Variants in RPTOR observed in about 807,000 individuals in gnomAD.
RPTOR encodes the protein regulatory-associated protein of mTOR.
Under a neutral mutation model 169.9 loss-of-function variants are expected in RPTOR, and 21 were observed. The observed-to-expected ratio is 0.12, with a 90% CI of 0.09 to 0.18. RPTOR has a LOEUF of 0.18. Ranked by LOEUF, RPTOR falls within the 10% of genes least tolerant of loss-of-function variation. The probability of loss-of-function intolerance (pLI) is 1.00; values close to 1 mark genes in which losing one functional copy is unlikely to be tolerated. For synonymous variants in RPTOR, 732 were observed against 753.2 expected, an observed-to-expected ratio of 0.97 and a Z score of 0.46; for missense variants, 1,133 against 1,855.9, an observed-to-expected ratio of 0.61 and a Z score of 7.16.
intron 9 of RPTOR, among the ~76,000 whole-genome samples, chr17:80,828,867 A>G (rs2067473402): frequency 6.6e-6 from 1 of 152,244 alleles, no homozygotes; most frequent in Non-Finnish European, 1.5e-5. Context: ...AAATGTAAGC[A>G]GTCTTAAAAT....
At chr17:80,806,076 A>AT (rs2067215720) in intron 7 of RPTOR, among the ~76,000 whole-genome samples, 1 of 152,180 alleles carries the variant, frequency 6.6e-6, no homozygotes, top group South Asian at 2.1e-4. Context: ...CCGAGCAGAG[A>AT]TTTTTAAAAA....
chr17:80,630,893 C>T (rs2065436943), intron 2 of RPTOR, among the ~76,000 whole-genome samples: 1 of 152,110 alleles, frequency 6.6e-6, no homozygotes, highest in Non-Finnish European at 1.5e-5. Context: ...TACTCAGCGC[C>T]AGGCTGTGGA....
At chr17:80,882,756 A>G (rs1327980589) in intron 14 of RPTOR, among the ~76,000 whole-genome samples, 2 of 152,262 alleles carry the variant, frequency 1.3e-5, no homozygotes, top group Non-Finnish European at 2.9e-5. Flanking sequence ...GTAAAAATGA[A>G]GAATACTCAT....
intron 1 of RPTOR, among the ~76,000 whole-genome samples, chr17:80,625,336 G>C (rs2065384945): frequency 6.6e-6 from 1 of 152,134 alleles, no homozygotes; most frequent in Non-Finnish European, 1.5e-5. Flanking sequence ...GTGTAAATTT[G>C]TGTAATTTTT....
In RPTOR at chr17:80,708,416, C is replaced by T. The variant is rs577950753; in HGVS notation, c.507+417C>T. 4.5e-4 allele frequency among the ~76,000 whole-genome samples: 68 copies of T among 152,356 alleles called. No homozygotes were observed. Among genetic ancestry groups the T allele is most frequent in the African/African-American group, 1.6e-3 (67 of 41,584 alleles). On this transcript the variant is annotated intron_variant, in intron 4 of 33. Coordinates refer to ENST00000306801, the MANE Select transcript of RPTOR (RefSeq NM_020761.3). The surrounding 1 kb of genome is among the most constrained non-coding windows in gnomAD (Gnocchi z 4.2). ...ATTCTAAAGGGCTAATTCCAAGCTG[C>T]CCTGCAGGTGCAGGCTCTGGGCTTC...
intron 7 of RPTOR, among the ~76,000 whole-genome samples, chr17:80,811,724 C>T (rs972738244): frequency 6.7e-6 from 1 of 149,920 alleles, no homozygotes; most frequent in Admixed American, 6.6e-5. Flanking sequence ...ACCCAAGGGA[C>T]ACCGCCTCTC....
At chr17:80,660,858 C>T (rs1040327379) in intron 3 of RPTOR, among the ~76,000 whole-genome samples, 47 of 150,900 alleles carry the variant, frequency 3.1e-4, no homozygotes, top group Non-Finnish European at 6.3e-4. Flanking sequence ...TCAGCAGGAG[C>T]CTCCCCCATA....
At chr17:80,919,271 C>T (rs1329901558) in intron 21 of RPTOR, among the ~76,000 whole-genome samples, 2 of 152,178 alleles carry the variant, frequency 1.3e-5, no homozygotes, top group African/African-American at 4.8e-5. Flanking sequence ...CACGCTTTTG[C>T]AGGGGTTTCT....
chr17:80,737,778 T>C (rs1261933307), intron 5 of RPTOR, among the ~76,000 whole-genome samples: 1 of 151,816 alleles, frequency 6.6e-6, no homozygotes, highest in Non-Finnish European at 1.5e-5. Flanking sequence ...GAAGCACATA[T>C]ATTCATTCTT....
chr17:80,871,802 A>G (rs1184786500), intron 13 of RPTOR, among the ~76,000 whole-genome samples: 1 of 151,912 alleles, frequency 6.6e-6, no homozygotes, highest in Non-Finnish European at 1.5e-5. Flanking sequence ...GGGATTTTTT[A>G]GTATTCCTTC....
intron 5 of RPTOR, among the ~76,000 whole-genome samples, chr17:80,750,067 A>G (rs2066616406): frequency 6.6e-6 from 1 of 151,896 alleles, no homozygotes. Context: ...GCCCAGGCTG[A>G]TCTTGAACTC....
intron 10 of RPTOR, among the ~76,000 whole-genome samples, chr17:80,843,363 G>A (rs2067691261): frequency 6.6e-6 from 1 of 152,262 alleles, no homozygotes; most frequent in East Asian, 1.9e-4. Context: ...AGAGGTTGCA[G>A]TGAGCCAAGA....
rs372422234 is a variant in RPTOR, at chr17:80,635,114, G to A, written c.266-8614G>A. 1.1e-4 allele frequency among the ~76,000 whole-genome samples: 17 copies of A among 152,256 alleles called. No individual in the cohort carries two copies. In the East Asian group the frequency reaches 2.7e-3, roughly 24 times the overall value. On this transcript the variant is annotated intron_variant, in intron 2 of 33. Transcript: ENST00000306801. ...TCCTTATTGTATTGGCTAATGTGGT[G>A]CCTCCTCCTGTGTGAACCCTCTTCT...
chr17:80,835,613 G>C (rs2067554726), intron 9 of RPTOR, among the ~76,000 whole-genome samples: 1 of 152,202 alleles, frequency 6.6e-6, no homozygotes, highest in Non-Finnish European at 1.5e-5. Context: ...CGCTGCCACA[G>C]GTGGACAGTT....
chr17:80,610,626 T>C (rs2065263536), intron 1 of RPTOR, among the ~76,000 whole-genome samples: 1 of 151,342 alleles, frequency 6.6e-6, no homozygotes. Context: ...TGAGTGGGAG[T>C]GAATGGGAAG....
intron 25 of RPTOR, among the ~76,000 whole-genome samples, chr17:80,944,990 CAAAAAA>C (rs530408210): frequency 1.1e-5 from 1 of 93,086 alleles, no homozygotes; most frequent in Admixed American, 1.1e-4. Context: ...GACTCCATCT[CAAAAAA>C]AAAAAAAAAA....
At chr17:80,826,435 G>T (rs770448103) in intron 9 of RPTOR, among the ~76,000 whole-genome samples, 1 of 152,236 alleles carries the variant, frequency 6.6e-6, no homozygotes, top group African/African-American at 2.4e-5. Flanking sequence ...GGCAGTAACC[G>T]CAGGTCTGGA....
At chr17:80,762,403 G>A (rs1222754562) in intron 6 of RPTOR, among the ~76,000 whole-genome samples, 2 of 152,188 alleles carry the variant, frequency 1.3e-5, no homozygotes, top group African/African-American at 4.8e-5. Context: ...GGAGACAGTG[G>A]AGCTGGCGAG....
intron 20 of RPTOR, among the ~76,000 whole-genome samples, chr17:80,906,201 C>T (rs1464742580): frequency 6.6e-6 from 1 of 151,950 alleles, no homozygotes; most frequent in Non-Finnish European, 1.5e-5. Flanking sequence ...TCCTAGCCCA[C>T]CCACCCACTC....
Sources: allele counts gnomAD v4.1 joint callset (sites outside exome capture counted in the v4.1 genomes callset), GRCh38; gene constraint gnomAD v4.1.1; non-coding constraint Gnocchi (gnomAD v3.1); transcripts MANE v1.5; gene names NCBI Gene and HGNC (gene_info 2026-07-23, HGNC 2026-07-21).